IQGAP3: variants seen among roughly 807,000 people sequenced by gnomAD.
IQGAP3 encodes ras GTPase-activating-like protein IQGAP3.
A neutral mutation model predicts 208.2 loss-of-function variants in IQGAP3; 165 were observed. That is an observed-to-expected ratio of 0.79 (90% CI 0.70 to 0.90). The LOEUF is 0.90. IQGAP3 is among the 40% of genes least tolerant of loss of function. The pLI, the probability that IQGAP3 is intolerant of heterozygous loss-of-function variation, is 0.00. For synonymous variants in IQGAP3, 703 were observed against 803.6 expected (o/e 0.87, Z 2.12); for missense variants, 1,811 against 2,043.1 (o/e 0.89, Z 2.19).
Position 156,532,255 on chromosome 1 carries a change from C to T in IQGAP3, c.4103+725G>A, listed in dbSNP as rs117659150. On this transcript the variant is annotated intron_variant, in intron 32 of 37. Coordinates refer to ENST00000361170, the MANE Select transcript of IQGAP3 (RefSeq NM_178229.5). The stretch of plus-strand genomic sequence containing the variant: ...TACAAAAATTGGCCGGACATGATGG[C>T]GAGCACCTGTAGTCCCAGCTACTCA... Among the ~76,000 whole-genome samples, 541 of 151,988 alleles carry T rather than the reference C, an allele frequency of 3.6e-3. 23 individuals carry two copies. In the East Asian group the frequency reaches 0.088, roughly 25 times the overall value.
At chr1:156,531,709 A>T (rs1336112994) in intron 32 of IQGAP3, among the ~76,000 whole-genome samples, 1 of 148,384 alleles carries the variant, frequency 6.7e-6, no homozygotes, top group East Asian at 2.0e-4. Context: ...GGTTCAAGTG[A>T]TTCTCCTGCC....
intron 9 of IQGAP3, 37 bp downstream of exon 9, chr1:156,562,550 G>A (rs1676204892): frequency 6.4e-7 from 1 of 1,558,512 alleles, no homozygotes; most frequent in South Asian, 1.1e-5. Context: ...CTTACCCTGA[G>A]GTCACCCCCA....
rs1674226485 is a variant in IQGAP3, at chr1:156,528,599, T to C, written c.4583A>G (p.Lys1528Arg). 2 of 1,612,478 alleles carry C rather than the reference T, an allele frequency of 1.2e-6. No homozygotes were observed. The highest frequency in any genetic ancestry group is 2.7e-5 in the African/African-American group (2 of 74,812). ...HLAPDSKSSGKGKKQPSLHYT... is the reference protein window; with the variant it reads ...HLAPDSKSSGRGKKQPSLHYT... ...ATGAAGAGAAGGCTGCTTCTTCCCC[T>C]TCCCAGAACTCCTGATTAAAAGAAG... The change falls in exon 36 of 38, where the codon AAG becomes AGG. Residue 1528 changes from lysine (K) to arginine (R), a missense_variant. Transcript: ENST00000361170.
chr1:156,533,036 CTTG>C lies in IQGAP3; in HGVS notation c.4044_4046del (p.Asn1348del). ...CAGCATCTGCCTCTAGTCCTTCAAA[CTTG>C]TTGGTCAGCGTCAGGGACACTTCTA... is the stretch of plus-strand genomic sequence containing the variant. On this transcript the variant is annotated inframe_deletion, in exon 32 of 38. Transcript: ENST00000361170. The C allele has an allele frequency of 1.2e-6, 2 of 1,614,120 alleles. No individual in the cohort carries two copies. Among genetic ancestry groups the C allele is most frequent in the Non-Finnish European group, 1.7e-6 (2 of 1,180,004 alleles).
intron 13 of IQGAP3, among the ~76,000 whole-genome samples, chr1:156,553,013 G>A (rs541976426): frequency 1.3e-5 from 2 of 152,314 alleles, no homozygotes; most frequent in African/African-American, 4.8e-5. Context: ...GTTCAGGGAT[G>A]CAGTGAGCCA....
At chr1:156,547,212 G>A (rs200532131) in intron 19 of IQGAP3, among the ~76,000 whole-genome samples, 3 of 152,032 alleles carry the variant, frequency 2.0e-5, no homozygotes, top group East Asian at 3.9e-4. Flanking sequence ...GACCATCCAC[G>A]GGTTGGAAGA....
intron 11 of IQGAP3, among the ~76,000 whole-genome samples, chr1:156,560,016 G>A (rs1557942467): frequency 6.6e-6 from 1 of 152,216 alleles, no homozygotes; most frequent in African/African-American, 2.4e-5. Flanking sequence ...GTGAATGTCG[G>A]AAAGCTCTGT....
At chr1:156,564,006 G>A (rs1676287123) in intron 5 of IQGAP3, among the ~76,000 whole-genome samples, 182 bp from the exon 6 acceptor site, 2 of 152,178 alleles carry the variant, frequency 1.3e-5, no homozygotes. Flanking sequence ...GGAAAGTGCT[G>A]CAGAAGGTAA....
chr1:156,535,652 A>G (rs1228553612), intron 27 of IQGAP3, among the ~76,000 whole-genome samples: 1 of 152,174 alleles, frequency 6.6e-6, no homozygotes, highest in Non-Finnish European at 1.5e-5. Flanking sequence ...ACCCTGTCCT[A>G]GGACAGCCTA....
At position 156,535,186 on chromosome 1, in the gene IQGAP3, C is replaced by T. The variant is rs144453505; in HGVS notation, c.3484G>A (p.Ala1162Thr). ...KATLAEKFPD[A>T]TDSEVYKVVG... Reference sequence around the variant, plus strand: ...GCCTTATAGACCTCGCTGTCTGTGGCGTCAGGGAATTTCTCTGCCAGAGTT... The same window carrying T: ...GCCTTATAGACCTCGCTGTCTGTGGTGTCAGGGAATTTCTCTGCCAGAGTT... The change falls in exon 28 of 38, where the codon GCC becomes ACC. Residue 1162 changes from alanine (A) to threonine (T), a missense_variant. Coordinates refer to ENST00000361170, the MANE Select transcript of IQGAP3 (RefSeq NM_178229.5). 8 of 1,613,224 alleles carry T rather than the reference C, an allele frequency of 5.0e-6. No homozygotes were observed. The highest frequency in any genetic ancestry group is 1.6e-4 in the Middle Eastern group (1 of 6,080).
chr1:156,555,877 A>G (rs1208433548), intron 12 of IQGAP3, among the ~76,000 whole-genome samples: 1 of 152,170 alleles, frequency 6.6e-6, no homozygotes, highest in African/African-American at 2.4e-5. Context: ...AGTCATTCCT[A>G]TGTTGAGACT....
At position 156,528,932 on chromosome 1, in the gene IQGAP3, G is replaced by C; in HGVS notation, c.4555C>G (p.Leu1519Val). The C allele has an allele frequency of 6.2e-7, 1 of 1,614,238 alleles. No individual in the cohort carries two copies. Among genetic ancestry groups the C allele is most frequent in the Non-Finnish European group, 8.5e-7 (1 of 1,180,044 alleles). ...AGCACCTACTTGGAGTCGGGGGCCAGGTGGTCCAGGCAGGCCCGGATGTAC... is the reference window on the plus strand; with the variant it reads ...AGCACCTACTTGGAGTCGGGGGCCACGTGGTCCAGGCAGGCCCGGATGTAC... ...SQYIRACLDH[L>V]APDSKSSGKG... is the part of the protein sequence containing the mutation. Residue 1519 changes from leucine to valine, a missense_variant, in exon 35 of 38, where the codon CTG becomes GTG. Transcript: ENST00000361170.
Position 156,572,510 on chromosome 1 carries a change from C to A in IQGAP3, c.20G>T (p.Gly7Val). 1.2e-6 allele frequency: 2 copies of A among 1,612,144 alleles called. No individual in the cohort carries two copies. Among genetic ancestry groups the A allele is most frequent in the East Asian group, 2.2e-5 (1 of 44,874 alleles). The change falls in exon 1 of 38, where the codon GGC becomes GTC. Residue 7 changes from glycine to valine, a missense_variant. Coordinates refer to ENST00000361170, the MANE Select transcript of IQGAP3 (RefSeq NM_178229.5). ...GCACTCACAGGCTGCCCAGCCTGGG[C>A]CCGCTGCTCTCCTCTCCATGTTCCT... MERRAAGPGWAAYERLT... is the reference protein window; with the variant it reads MERRAAVPGWAAYERLT...
Position 156,548,188 on chromosome 1 carries a change from T to C in IQGAP3, c.2189A>G (p.Asn730Ser), listed in dbSNP as rs745381736. The C allele has an allele frequency of 1.9e-6, 3 of 1,614,130 alleles. No homozygotes were observed. Among genetic ancestry groups the C allele is most frequent in the East Asian group, 4.5e-5 (2 of 44,880 alleles). Residue 730 changes from asparagine to serine, a missense_variant, in exon 19 of 38, where the codon AAC becomes AGC. Asn to Ser is a conservative substitution (Grantham distance 46). Transcript: ENST00000361170. ...AYDRQQLWKANVGFVIQLQAR... is the reference protein window; with the variant it reads ...AYDRQQLWKASVGFVIQLQAR... ...CTGGAGCTGGATAACAAAGCCGACG[T>C]TGGCTTTCCAGAGCTGTTGGCGGTC...
chr1:156,550,289 G>T lies in IQGAP3; in HGVS notation c.1797C>A (p.Ala599=), dbSNP rs1557934552. 1.9e-6 allele frequency: 3 copies of T among 1,613,566 alleles called. No homozygotes were observed. Among genetic ancestry groups the T allele is most frequent in the Non-Finnish European group, 1.7e-6 (2 of 1,179,642 alleles). The change falls in exon 16 of 38, where the codon GCC becomes GCA. Residue 599 remains alanine (A), a synonymous_variant. Coordinates refer to ENST00000361170, the MANE Select transcript of IQGAP3 (RefSeq NM_178229.5). ...LEEIRQGVVR[A]NQDTNTAQRM... ...TCTGAGCTGTATTAGTGTCCTGGTT[G>T]GCTCTGACCACTCCCTGGCGGATCT... is the stretch of plus-strand genomic sequence containing the variant.
Position 156,544,054 on chromosome 1 carries a change from C to A in IQGAP3, c.2461-4G>T. ...GGATCTTCACAATGGAGTTAACCTG[C>A]CACAAACACAGATTGGAAAAGGGTT... is the stretch of plus-strand genomic sequence containing the variant. On this transcript the variant is annotated splice_region_variant and splice_polypyrimidine_tract_variant and intron_variant, in intron 21 of 37. Transcript: ENST00000361170. 1 of 1,614,102 alleles carries A rather than the reference C, an allele frequency of 6.2e-7. No individual in the cohort carries two copies. The highest frequency in any genetic ancestry group is 8.5e-7 in the Non-Finnish European group (1 of 1,179,984).
At chr1:156,535,344 G>C in intron 27 of IQGAP3, 97 bp from the exon 28 acceptor site, 1 of 822,704 alleles carries the variant, frequency 1.2e-6, no homozygotes, top group South Asian at 1.6e-5. Context: ...TTCTCCCCCA[G>C]GCTCAGCCAC....
At chr1:156,566,852 A>G (rs1330521052) in intron 2 of IQGAP3, among the ~76,000 whole-genome samples, 2 of 150,156 alleles carry the variant, frequency 1.3e-5, no homozygotes, top group East Asian at 3.9e-4. Context: ...CACTCAGTCT[A>G]GTTACATGCT....
chr1:156,548,528 C>G, intron 17 of IQGAP3, 41 bp from the exon 18 acceptor site: 1 of 1,602,686 alleles, frequency 6.2e-7, no homozygotes. Flanking sequence ...TCAGAGCAGG[C>G]AAGGGGTGGC....
Sources: gnomAD v4.1 joint callset for allele counts (sites outside exome capture counted in the v4.1 genomes callset) on GRCh38, gnomAD v4.1.1 for gene constraint, MANE v1.5 for transcripts, NCBI Gene and HGNC (gene_info 2026-07-23, HGNC 2026-07-21) for gene names.